The following ARHGAP26 variants were observed in gnomAD, a reference collection of about 807,000 sequenced individuals.
ARHGAP26 encodes the protein Rho GTPase activating protein 26.
A neutral mutation model predicts 104.8 loss-of-function variants in ARHGAP26; 38 were observed. The ratio of observed to expected loss-of-function variants is 0.36; its 90% CI spans 0.28 to 0.48. The LOEUF is 0.48. ARHGAP26 is among the 20% of genes least tolerant of loss of function. ARHGAP26 has a pLI of 0.99. For missense variants in ARHGAP26, 704 were observed against 947.9 expected (o/e 0.74, Z 3.38); for synonymous variants, 341 against 340.0 (o/e 1.00, Z -0.03).
At chr5:142,945,868 A>G (rs935793575) in intron 11 of ARHGAP26, among the ~76,000 whole-genome samples, 1 of 152,156 alleles carries the variant, frequency 6.6e-6, no homozygotes, top group African/African-American at 2.4e-5. Context: ...ACTAATATAT[A>G]TATTTTTCTG....
At chr5:142,892,717 A>G (rs978372225) in intron 5 of ARHGAP26, among the ~76,000 whole-genome samples, 1 of 152,166 alleles carries the variant, frequency 6.6e-6, no homozygotes, top group African/African-American at 2.4e-5. Flanking sequence ...ATACATATTT[A>G]TGGGGCATGT....
chr5:143,009,778 A>G (rs1778482586), intron 11 of ARHGAP26, among the ~76,000 whole-genome samples: 2 of 152,242 alleles, frequency 1.3e-5, no homozygotes, highest in Admixed American at 6.5e-5. Context: ...ATCAAAGTAT[A>G]GAAACCCAAA....
intron 12 of ARHGAP26, among the ~76,000 whole-genome samples, chr5:143,018,953 C>T (rs1406644447): frequency 1.3e-5 from 2 of 152,166 alleles, no homozygotes; most frequent in African/African-American, 4.8e-5. Flanking sequence ...GTCATGTCTT[C>T]CAAGGGTTTT....
intron 21 of ARHGAP26, among the ~76,000 whole-genome samples, chr5:143,207,891 C>G (rs1156611290): frequency 6.6e-6 from 1 of 152,236 alleles, no homozygotes; most frequent in Non-Finnish European, 1.5e-5. Context: ...TCACTTAGAC[C>G]AGATCCACTG....
intron 18 of ARHGAP26, among the ~76,000 whole-genome samples, chr5:143,127,313 T>C (rs1796833740): frequency 2.0e-5 from 3 of 152,230 alleles, no homozygotes; most frequent in Non-Finnish European, 4.4e-5. Context: ...AAACGGTTTC[T>C]GTACATGGAG....
intron 12 of ARHGAP26, among the ~76,000 whole-genome samples, chr5:143,018,419 C>A (rs556727002): frequency 6.6e-6 from 1 of 152,272 alleles, no homozygotes; most frequent in East Asian, 1.9e-4. Flanking sequence ...GCCTTTATGA[C>A]CCATGTCACA....
chr5:142,830,271 C>A lies in ARHGAP26; in HGVS notation c.155-43129C>A, dbSNP rs188103660. On this transcript the variant is annotated intron_variant, in intron 1 of 22. Transcript: ENST00000645722. Reference sequence around the variant, plus strand: ...TTTGAACAGTTCTAATAAAATAGCTCATTACTATCAAGTATGGATTAAATA... The same window carrying A: ...TTTGAACAGTTCTAATAAAATAGCTAATTACTATCAAGTATGGATTAAATA... Among the ~76,000 whole-genome samples, 216 of 152,210 alleles carry A rather than the reference C, an allele frequency of 1.4e-3. 1 individual carries two copies. The highest frequency in any genetic ancestry group is 2.3e-3 in the Non-Finnish European group (154 of 68,018).
intron 1 of ARHGAP26, among the ~76,000 whole-genome samples, chr5:142,794,134 C>T (rs979752301): frequency 5.9e-5 from 9 of 152,214 alleles, no homozygotes; most frequent in East Asian, 3.8e-4. Flanking sequence ...TCTAGGCTGG[C>T]GCCATTCTCA....
chr5:143,124,835 T>A (rs71590933), intron 18 of ARHGAP26, among the ~76,000 whole-genome samples: 2,888 of 152,300 alleles, frequency 0.019, 44 homozygotes, highest in East Asian at 0.078. Flanking sequence ...CTGCAGGGGA[T>A]CTATGGTACC....
chr5:143,043,247 A>G (rs1291654030), intron 14 of ARHGAP26, among the ~76,000 whole-genome samples: 67 of 152,288 alleles, frequency 4.4e-4, no homozygotes, highest in Non-Finnish European at 2.9e-5. Flanking sequence ...TCTGTTCTCT[A>G]TTTCTATAAT....
chr5:142,851,945 A>G (rs187219734), intron 1 of ARHGAP26, among the ~76,000 whole-genome samples: 4 of 152,336 alleles, frequency 2.6e-5, no homozygotes, highest in East Asian at 1.9e-4. Context: ...TTCACTCTAC[A>G]TAGGCACACA....
chr5:142,862,772 CAAG>C (rs1327242589), intron 1 of ARHGAP26, among the ~76,000 whole-genome samples: 1 of 152,160 alleles, frequency 6.6e-6, no homozygotes, highest in African/African-American at 2.4e-5. Context: ...AAACCTCTTC[CAAG>C]AAGGTCTGGC....
intron 1 of ARHGAP26, among the ~76,000 whole-genome samples, chr5:142,783,387 A>G (rs1245798626): frequency 6.6e-6 from 1 of 152,208 alleles, no homozygotes; most frequent in African/African-American, 2.4e-5. Flanking sequence ...CTCCTGGGCA[A>G]TCACAGGGAA....
At chr5:143,062,296 CTCT>C (rs1398454494) in intron 17 of ARHGAP26, among the ~76,000 whole-genome samples, 1 of 152,186 alleles carries the variant, frequency 6.6e-6, no homozygotes, top group Non-Finnish European at 1.5e-5. Context: ...ACTCCATTGC[CTCT>C]TGCTGATTCC....
At chr5:143,044,325 C>G (rs1783910923) in intron 14 of ARHGAP26, among the ~76,000 whole-genome samples, 1 of 152,130 alleles carries the variant, frequency 6.6e-6, no homozygotes, top group Non-Finnish European at 1.5e-5. Flanking sequence ...CTCATGTTCT[C>G]TGACCTCTTC....
chr5:142,828,710 T>TGTCTACCAGGG (rs1767791931), intron 1 of ARHGAP26, among the ~76,000 whole-genome samples: 1 of 152,220 alleles, frequency 6.6e-6, no homozygotes, highest in Non-Finnish European at 1.5e-5. Flanking sequence ...GTAGTCTGGT[T>TGTCTACCAGGG]TGGCAAGGGC....
In ARHGAP26 at chr5:143,214,181, G is replaced by GA. The variant is rs1809963199; in HGVS notation, c.2191+97dup. 2.8e-5 allele frequency: 23 copies of GA among 835,202 alleles called. 1 individual carries two copies. The South Asian group carries it at 3.5e-4, about 13-fold the overall frequency. 51.7% of individuals were successfully genotyped at this position (835,202 alleles called of 1,614,324 possible). A position where few individuals can be genotyped will look rare whatever the true frequency, so the allele number is the denominator to read the frequency against. ...GGCATTTTCAAAGCTCCTCCCGAGG[G>GA]AAAATCTCAATACAATGGGTAAGAA... On this transcript the variant is annotated intron_variant, in intron 22 of 22. Coordinates refer to ENST00000645722, the MANE Select transcript of ARHGAP26 (RefSeq NM_001135608.3).
intron 1 of ARHGAP26, among the ~76,000 whole-genome samples, chr5:142,826,619 T>C (rs1357177883): frequency 1.3e-5 from 2 of 152,216 alleles, no homozygotes; most frequent in Non-Finnish European, 2.9e-5. Flanking sequence ...CGCCACACCA[T>C]GTTCTCTCTC....
At position 143,228,059 on chromosome 5, in the gene ARHGAP26, TAAAC is replaced by T. The variant is rs1811799666; in HGVS notation, c.*5617_*5620del. 1 of 221,054 alleles carries T rather than the reference TAAAC, an allele frequency of 4.5e-6. No individual in the cohort carries two copies. The highest frequency in any genetic ancestry group is 9.1e-6 in the Non-Finnish European group (1 of 110,414). The allele number at this position is 221,054 out of a possible 1,614,324, so 13.7% of individuals were successfully genotyped here. Reference sequence around the variant, plus strand: ...ACTTTAGTCAGAACCAGAGTATTGATAAACAAAATGTCAGTTACCTGGAGCAGTC... The same window carrying T: ...ACTTTAGTCAGAACCAGAGTATTGATAAAATGTCAGTTACCTGGAGCAGTC... On this transcript the variant is annotated 3_prime_UTR_variant, in exon 23 of 23. Transcript: ENST00000645722.
Sources: allele counts gnomAD v4.1 joint callset (sites outside exome capture counted in the v4.1 genomes callset), GRCh38; gene constraint gnomAD v4.1.1; transcripts MANE v1.5; gene names NCBI Gene and HGNC (gene_info 2026-07-23, HGNC 2026-07-21).